The following C7orf78 variants were observed in gnomAD, a reference collection of about 807,000 sequenced individuals.
The protein encoded by C7orf78 is chromosome 7 open reading frame 78.
At chr7:12,531,815 G>A in the C7orf78 span, among the ~76,000 whole-genome samples, 4 of 152,126 alleles carry the variant, frequency 2.6e-5, no homozygotes, top group African/African-American at 7.2e-5. Context: ...TTAAGGAGCA[G>A]AAAGTTTAAT....
chr7:12,489,901 A>G, the C7orf78 span, among the ~76,000 whole-genome samples: 2 of 152,142 alleles, frequency 1.3e-5, no homozygotes, highest in African/African-American at 4.8e-5. Context: ...TAGCTAGTGG[A>G]TGTACATTTC....
the C7orf78 span, among the ~76,000 whole-genome samples, chr7:12,533,289 C>T: frequency 6.6e-6 from 1 of 152,198 alleles, no homozygotes; most frequent in African/African-American, 2.4e-5. Flanking sequence ...CAACTTTCAC[C>T]TCCCAGGTTC....
At chr7:12,538,759 C>T in the C7orf78 span, among the ~76,000 whole-genome samples, 1 of 152,104 alleles carries the variant, frequency 6.6e-6, no homozygotes, top group African/African-American at 2.4e-5. Flanking sequence ...CACCAAATGG[C>T]GTGAGTACAG....
the C7orf78 span, chr7:12,528,950 A>G: frequency 2.5e-6 from 1 of 398,500 alleles, no homozygotes; most frequent in Non-Finnish European, 4.4e-6. Flanking sequence ...ACTAGTACAG[A>G]AAGATTTATC....
At chr7:12,514,341 T>A in the C7orf78 span, among the ~76,000 whole-genome samples, 1 of 152,160 alleles carries the variant, frequency 6.6e-6, no homozygotes, top group Non-Finnish European at 1.5e-5. Context: ...TTTAACTTAG[T>A]CTGTTTTATC....
At chr7:12,503,233 T>TAATAGATAAATA in the C7orf78 span, among the ~76,000 whole-genome samples, 4 of 135,610 alleles carry the variant, frequency 2.9e-5, no homozygotes, top group African/African-American at 1.1e-4. Flanking sequence ...TAAAGTATAA[T>TAATAGATAAATA]AATAAACAAA....
At chr7:12,495,669 G>A in the C7orf78 span, among the ~76,000 whole-genome samples, 5 of 151,802 alleles carry the variant, frequency 3.3e-5, no homozygotes, top group East Asian at 5.8e-4. Flanking sequence ...TTTCTTTTTC[G>A]GAACACTATT....
At chr7:12,497,249 G>T in the C7orf78 span, among the ~76,000 whole-genome samples, 1 of 152,102 alleles carries the variant, frequency 6.6e-6, no homozygotes, top group South Asian at 2.1e-4. Context: ...GAACAGCTCC[G>T]GTCTACAGCT....
chr7:12,533,975 A>G, the C7orf78 span, among the ~76,000 whole-genome samples: 1 of 152,232 alleles, frequency 6.6e-6, no homozygotes, highest in Non-Finnish European at 1.5e-5. Context: ...CAGGCTTCTC[A>G]AAATAGAAAT....
At chr7:12,503,064 G>C in the C7orf78 span, among the ~76,000 whole-genome samples, 20,577 of 114,922 alleles carry the variant, frequency 0.18, 1,953 homozygotes, top group African/African-American at 0.3. Flanking sequence ...AGGGGAACAT[G>C]ACACTCTGGG....
chr7:12,503,064 G>A, the C7orf78 span, among the ~76,000 whole-genome samples: 2 of 123,302 alleles, frequency 1.6e-5, no homozygotes, highest in African/African-American at 6.8e-5. Flanking sequence ...AGGGGAACAT[G>A]ACACTCTGGG....
the C7orf78 span, among the ~76,000 whole-genome samples, chr7:12,498,204 C>T: frequency 6.6e-6 from 1 of 152,118 alleles, no homozygotes; most frequent in East Asian, 1.9e-4. Context: ...AACGCAGCTC[C>T]TCACCAGCAA....
At chr7:12,512,987 C>T in the C7orf78 span, among the ~76,000 whole-genome samples, 9 of 152,028 alleles carry the variant, frequency 5.9e-5, no homozygotes, top group African/African-American at 9.6e-5. Flanking sequence ...CTCTGATGAT[C>T]GTTTATATTT....
chr7:12,513,570 G>A, the C7orf78 span, among the ~76,000 whole-genome samples: 6 of 151,996 alleles, frequency 3.9e-5, no homozygotes, highest in Non-Finnish European at 7.4e-5. Flanking sequence ...GAGTTCCCCT[G>A]GTATTTATTT....
the C7orf78 span, chr7:12,491,766 C>G: frequency 6.6e-6 from 1 of 152,184 alleles, no homozygotes; most frequent in East Asian, 1.9e-4. Context: ...AATGCCAACA[C>G]AGAAGCCCAT....
At chr7:12,496,301 A>G in the C7orf78 span, 1 of 152,346 alleles carries the variant, frequency 6.6e-6, no homozygotes, top group Non-Finnish European at 1.5e-5. Flanking sequence ...CCTACCTGAG[A>G]GGAGACTTTT....
At chr7:12,523,335 T>C in the C7orf78 span, 1 of 398,388 alleles carries the variant, frequency 2.5e-6, no homozygotes, top group East Asian at 3.6e-5. Flanking sequence ...TTTCCACATC[T>C]GGATTTACAA....
chr7:12,502,617 A>G, the C7orf78 span, among the ~76,000 whole-genome samples: 1 of 151,784 alleles, frequency 6.6e-6, no homozygotes, highest in Non-Finnish European at 1.5e-5. Context: ...AAATAGGAAC[A>G]CTTTTACATT....
the C7orf78 span, among the ~76,000 whole-genome samples, chr7:12,539,797 T>C: frequency 6.6e-6 from 1 of 152,200 alleles, no homozygotes; most frequent in Non-Finnish European, 1.5e-5. Flanking sequence ...AACATTCTTC[T>C]GTAGAAAGAA....
Sources: allele counts gnomAD v4.1 joint callset (sites outside exome capture counted in the v4.1 genomes callset), GRCh38; gene constraint gnomAD v4.1.1; transcripts MANE v1.5; gene names NCBI Gene and HGNC (gene_info 2026-07-23, HGNC 2026-07-21).